The following AGPAT3 variants were observed in gnomAD, a reference collection of about 807,000 sequenced individuals.
AGPAT3 encodes 1-acylglycerol-3-phosphate O-acyltransferase 3, also known as 1-acyl-sn-glycerol-3-phosphate acyltransferase gamma.
Under a neutral mutation model 47.3 loss-of-function variants are expected in AGPAT3, and 5 were observed. The observed-to-expected ratio is 0.11, with a 90% CI of 0.06 to 0.22. The LOEUF (loss-of-function observed/expected upper bound fraction) is 0.22. Ranked by LOEUF, AGPAT3 falls within the 10% of genes least tolerant of loss-of-function variation. The pLI is 1.00. For missense variants in AGPAT3, 315 were observed against 493.0 expected, an observed-to-expected ratio of 0.64 and a Z score of 3.42; for synonymous variants, 212 against 208.3, an observed-to-expected ratio of 1.02 and a Z score of -0.15.
intron 1 of AGPAT3, among the ~76,000 whole-genome samples, chr21:43,902,697 G>A (rs569670901): frequency 1.2e-4 from 19 of 152,286 alleles, no homozygotes; most frequent in African/African-American, 4.1e-4. Context: ...TAGCAGGGAG[G>A]ATTTCGACGT....
At chr21:43,866,195 C>T (rs1601171292) in intron 1 of AGPAT3, among the ~76,000 whole-genome samples, 1 of 128,590 alleles carries the variant, frequency 7.8e-6, no homozygotes, top group African/African-American at 2.6e-5. Context: ...GCTTCCCAGA[C>T]CTTTAAAAAA....
Position 43,987,270 on chromosome 21 carries a change from C to T in AGPAT3, c.*4878C>T, listed in dbSNP as rs2030387005. Among the ~76,000 whole-genome samples the T allele has an allele frequency of 6.6e-6, 1 of 152,204 alleles. No individual in the cohort carries two copies. The highest frequency in any genetic ancestry group is 6.5e-5 in the Admixed American group (1 of 15,284). On this transcript the variant is annotated 3_prime_UTR_variant, in exon 10 of 10. Transcript: ENST00000291572. ...AGCCCACTCCCACGGGCTCTGTTTC[C>T]TTGGAGGCCATCCTGCCGATGGCAC... is the stretch of plus-strand genomic sequence containing the variant.
Position 43,981,452 on chromosome 21 carries a change from T to C in AGPAT3, c.1042+265T>C. On this transcript the variant is annotated intron_variant, in intron 9 of 9. Coordinates refer to ENST00000291572, the MANE Select transcript of AGPAT3 (RefSeq NM_020132.5). The surrounding 1 kb of genome is among the most constrained non-coding windows in gnomAD (Gnocchi z 5.3). Reference sequence around the variant, plus strand: ...CCCCACTGGCTGGCGCCCTTGAGGATGCCGACGAGAGGGTCCCCGAGAGGG... The same window carrying C: ...CCCCACTGGCTGGCGCCCTTGAGGACGCCGACGAGAGGGTCCCCGAGAGGG... 1.8e-6 allele frequency: 1 copy of C among 542,784 alleles called. No individual in the cohort carries two copies. Among genetic ancestry groups the C allele is most frequent in the Non-Finnish European group, 3.3e-6 (1 of 301,658 alleles). 33.6% of individuals were successfully genotyped at this position (542,784 alleles called of 1,614,324 possible).
rs112902200 is a variant in AGPAT3, at chr21:43,896,195, C to T, written c.-111-7762C>T. Among the ~76,000 whole-genome samples, 819 of 152,374 alleles carry T rather than the reference C, an allele frequency of 5.4e-3. 7 individuals carry two copies. Among genetic ancestry groups the T allele is most frequent in the African/African-American group, 0.018 (766 of 41,596 alleles). On this transcript the variant is annotated intron_variant, in intron 1 of 9. Transcript: ENST00000291572. ...TTGGGATTACAGGGGTGAGCCACCA[C>T]GCCTGGCCGTGATAACTGTTTTTAA...
chr21:43,914,441 G>A (rs1228490246), intron 2 of AGPAT3, among the ~76,000 whole-genome samples: 1 of 151,982 alleles, frequency 6.6e-6, no homozygotes, highest in Non-Finnish European at 1.5e-5. Flanking sequence ...TGGTACTTTT[G>A]TTAGAGGTAA....
intron 1 of AGPAT3, among the ~76,000 whole-genome samples, chr21:43,897,182 GC>G (rs536030777): frequency 2.6e-5 from 4 of 151,746 alleles, no homozygotes; most frequent in African/African-American, 7.3e-5. Flanking sequence ...CTGCCTTCAA[GC>G]GTCTGTTTAA....
At chr21:43,966,141 TG>T (rs1333447885) in intron 3 of AGPAT3, 1 of 152,302 alleles carries the variant, frequency 6.6e-6, no homozygotes, top group African/African-American at 2.4e-5. Context: ...AGGCTGCCTT[TG>T]CATGCCGACA....
In AGPAT3 at chr21:43,984,652, G is replaced by A. The variant is rs913386184; in HGVS notation, c.*2260G>A. 6.0e-5 allele frequency: 9 copies of A among 150,218 alleles called. No homozygotes were observed. Among genetic ancestry groups the A allele is most frequent in the Non-Finnish European group, 1.3e-4 (9 of 71,182 alleles). The allele number at this position is 150,218 out of a possible 1,614,324, so 9.3% of individuals were successfully genotyped here. On this transcript the variant is annotated 3_prime_UTR_variant, in exon 10 of 10. Coordinates refer to ENST00000291572, the MANE Select transcript of AGPAT3 (RefSeq NM_020132.5). The stretch of plus-strand genomic sequence containing the variant: ...GCTTCTCAACACCAAGTCTTTAAGA[G>A]CAATAAAAACTACACCATGAATGTT...
At position 43,981,102 on chromosome 21, in the gene AGPAT3, G is replaced by A; in HGVS notation, c.957G>A (p.Leu319=). Reference sequence around the variant, plus strand: ...TCCTGTCCTGGGCCACCATTCTCCTGTCTCCCCTCTTCAGTTTTGTCTTGG... The same window carrying A: ...TCCTGTCCTGGGCCACCATTCTCCTATCTCCCCTCTTCAGTTTTGTCTTGG... ...LNFLSWATIL[L]SPLFSFVLGV... The change falls in exon 9 of 10, where the codon CTG becomes CTA. Residue 319 remains leucine, a synonymous_variant. Transcript: ENST00000291572. The surrounding 1 kb of genome is among the most constrained non-coding windows in gnomAD (Gnocchi z 5.3). 6.2e-7 allele frequency: 1 copy of A among 1,614,194 alleles called. No homozygotes were observed. The highest frequency in any genetic ancestry group is 1.1e-5 in the South Asian group (1 of 91,082).
intron 1 of AGPAT3, among the ~76,000 whole-genome samples, chr21:43,903,555 G>C (rs1381680857): frequency 6.6e-6 from 1 of 152,242 alleles, no homozygotes. Context: ...GGGAAGCAGC[G>C]GGAGCGCATG....
At chr21:43,896,657 T>G (rs1207356661) in intron 1 of AGPAT3, among the ~76,000 whole-genome samples, 1 of 152,252 alleles carries the variant, frequency 6.6e-6, no homozygotes, top group Non-Finnish European at 1.5e-5. Context: ...CTTTATATAC[T>G]TGAGAGCTAT....
chr21:43,944,502 G>A (rs746086416), intron 2 of AGPAT3, among the ~76,000 whole-genome samples: 6 of 152,226 alleles, frequency 3.9e-5, no homozygotes, highest in Admixed American at 1.3e-4. Context: ...GAGTCATCGC[G>A]GGGCAGATCC....
chr21:43,928,819 C>T (rs1005301332), intron 2 of AGPAT3, among the ~76,000 whole-genome samples: 16 of 152,160 alleles, frequency 1.1e-4, no homozygotes, highest in African/African-American at 4.8e-5. Flanking sequence ...ACAGATGAGG[C>T]GCTGTCTAAT....
chr21:43,960,420 G>T (rs1337723574), intron 3 of AGPAT3, among the ~76,000 whole-genome samples: 1 of 152,228 alleles, frequency 6.6e-6, no homozygotes, highest in Non-Finnish European at 1.5e-5. Context: ...CTGTGGACAG[G>T]TAACCGCTCA....
At chr21:43,901,228 G>T (rs2086343739) in intron 1 of AGPAT3, among the ~76,000 whole-genome samples, 1 of 151,672 alleles carries the variant, frequency 6.6e-6, no homozygotes, top group Non-Finnish European at 1.5e-5. Flanking sequence ...AACGGCAGAG[G>T]CAGGAGGATC....
At chr21:43,918,139 G>A (rs1213899459) in intron 2 of AGPAT3, among the ~76,000 whole-genome samples, 1 of 149,438 alleles carries the variant, frequency 6.7e-6, no homozygotes, top group African/African-American at 2.5e-5. Flanking sequence ...GGTTGTGGGT[G>A]TTGGAGTTGT....
At position 43,981,667 on chromosome 21, in the gene AGPAT3, C is replaced by T. The variant is rs1263369865; in HGVS notation, c.1042+480C>T. 6.6e-6 allele frequency among the ~76,000 whole-genome samples: 1 copy of T among 152,186 alleles called. No individual in the cohort carries two copies. Among genetic ancestry groups the T allele is most frequent in the East Asian group, 1.9e-4 (1 of 5,188 alleles). ...CAGCTAGCCTGGGGCCGAACAGACA[C>T]CCAGCCTGTCCCTGTGGTGAGCTCC... is the stretch of plus-strand genomic sequence containing the variant. On this transcript the variant is annotated intron_variant, in intron 9 of 9. Coordinates refer to ENST00000291572, the MANE Select transcript of AGPAT3 (RefSeq NM_020132.5). The surrounding 1 kb of genome is among the most constrained non-coding windows in gnomAD (Gnocchi z 5.3).
chr21:43,960,642 C>A, intron 3 of AGPAT3: 1 of 594,662 alleles, frequency 1.7e-6, no homozygotes, highest in Non-Finnish European at 2.1e-6. Context: ...TAGCACAAAA[C>A]TAGAAGCAAC....
rs2089844099 is a variant in AGPAT3 at position 43,981,349 on chromosome 21, C to T, written c.1042+162C>T. 1.3e-6 allele frequency: 1 copy of T among 781,376 alleles called. No homozygotes were observed. Among genetic ancestry groups the T allele is most frequent in the East Asian group, 2.7e-5 (1 of 37,454 alleles). The allele number at this position is 781,376 out of a possible 1,614,324, so 48.4% of individuals were successfully genotyped here. ...CCCCCACGGCCTGCGGGCCTCAGAGCCTGGATTCTTGCACTGAGCTGAGGG... is the reference window on the plus strand; with the variant it reads ...CCCCCACGGCCTGCGGGCCTCAGAGTCTGGATTCTTGCACTGAGCTGAGGG... On this transcript the variant is annotated intron_variant, in intron 9 of 9. Transcript: ENST00000291572. This position sits in a 1 kb window ranked among gnomAD's most constrained non-coding sequence, Gnocchi z 5.3.
Sources: allele counts gnomAD v4.1 joint callset (sites outside exome capture counted in the v4.1 genomes callset), GRCh38; gene constraint gnomAD v4.1.1; non-coding constraint Gnocchi (gnomAD v3.1); transcripts MANE v1.5; gene names NCBI Gene and HGNC (gene_info 2026-07-23, HGNC 2026-07-21).